The following RASSF8 variants were observed in gnomAD, a reference collection of about 807,000 sequenced individuals.
RASSF8 encodes Ras association domain family member 8.
A neutral mutation model predicts 48.5 loss-of-function variants in RASSF8; 22 were observed. That is an observed-to-expected ratio of 0.45 (90% CI 0.32 to 0.65). The LOEUF is 0.65. Among genes scored for constraint, RASSF8 ranks in the 30% least tolerant of loss-of-function variants. The pLI is 0.03. For missense variants in RASSF8, 418 were observed against 489.2 expected (o/e 0.85, Z 1.37); for synonymous variants, 127 against 171.5 (o/e 0.74, Z 2.03).
At chr12:26,050,421 G>C (rs1055509367) in intron 2 of RASSF8, among the ~76,000 whole-genome samples, 1 of 152,214 alleles carries the variant, frequency 6.6e-6, no homozygotes, top group East Asian at 1.9e-4. Context: ...GCCGAGCCCT[G>C]TACTAGATAA....
At chr12:25,991,150 A>G (rs1453668655) in intron 1 of RASSF8, among the ~76,000 whole-genome samples, 2 of 152,192 alleles carry the variant, frequency 1.3e-5, no homozygotes, top group African/African-American at 4.8e-5. Flanking sequence ...CTGTCATTAA[A>G]AGAAATATAC....
intron 2 of RASSF8, among the ~76,000 whole-genome samples, chr12:26,047,050 C>T (rs935374452): frequency 6.6e-6 from 1 of 152,186 alleles, no homozygotes; most frequent in South Asian, 2.1e-4. Flanking sequence ...GTTCTGAGAG[C>T]TTTAACGGGA....
At chr12:25,982,670 T>C (rs1201329472) in intron 1 of RASSF8, among the ~76,000 whole-genome samples, 1 of 152,130 alleles carries the variant, frequency 6.6e-6, no homozygotes, top group East Asian at 1.9e-4. Context: ...TGGTCCCTTG[T>C]TGCACTGGAG....
intron 3 of RASSF8, among the ~76,000 whole-genome samples, chr12:26,061,630 C>T (rs10505990): frequency 0.053 from 8,126 of 152,130 alleles, 659 homozygotes; most frequent in East Asian, 0.29. Context: ...GAAGGTTTAA[C>T]TGAATGTATC....
At chr12:26,050,628 G>A (rs560595856) in intron 2 of RASSF8, among the ~76,000 whole-genome samples, 7 of 152,166 alleles carry the variant, frequency 4.6e-5, no homozygotes, top group Non-Finnish European at 1.0e-4. Flanking sequence ...TGAATTTAAA[G>A]AAAATGCAGA....
intron 2 of RASSF8, among the ~76,000 whole-genome samples, chr12:26,019,861 GAATT>G (rs138142498): frequency 1.5e-3 from 222 of 152,050 alleles, no homozygotes; most frequent in African/African-American, 5.2e-3. Flanking sequence ...TTATAAGGGG[GAATT>G]AATTTTTCTG....
intron 2 of RASSF8, among the ~76,000 whole-genome samples, chr12:26,008,474 T>G (rs568397542): frequency 1.6e-3 from 241 of 152,326 alleles, no homozygotes; most frequent in African/African-American, 5.7e-3. Flanking sequence ...ATACAGTGAT[T>G]AAAGATCACA....
chr12:25,973,204 AT>A (rs11344037), intron 1 of RASSF8, among the ~76,000 whole-genome samples: 44,717 of 144,966 alleles, frequency 0.31, 6,937 homozygotes, highest in African/African-American at 0.42. Flanking sequence ...AAAGATCGCT[AT>A]TTTTTTTTTT....
At chr12:25,984,934 T>C (rs1941836915) in intron 1 of RASSF8, among the ~76,000 whole-genome samples, 1 of 152,200 alleles carries the variant, frequency 6.6e-6, no homozygotes, top group Non-Finnish European at 1.5e-5. Context: ...AAAGTTGTTT[T>C]TAGTTTTGGG....
intron 1 of RASSF8, among the ~76,000 whole-genome samples, chr12:25,987,636 A>G (rs1341983567): frequency 1.3e-5 from 2 of 152,210 alleles, no homozygotes; most frequent in Non-Finnish European, 2.9e-5. Context: ...ATTAACATAC[A>G]TTATGCAACA....
chr12:26,005,444 C>T (rs904855254), intron 2 of RASSF8, among the ~76,000 whole-genome samples: 1 of 152,130 alleles, frequency 6.6e-6, no homozygotes, highest in Non-Finnish European at 1.5e-5. Context: ...TCAAGTCATT[C>T]TCTGTGACCT....
In RASSF8 at chr12:26,071,764, TAAAC is replaced by T; in HGVS notation, c.*2949_*2952del. The T allele has an allele frequency of 1.0e-6, 1 of 983,710 alleles. No individual in the cohort carries two copies. The highest frequency in any genetic ancestry group is 1.2e-6 in the Non-Finnish European group (1 of 828,536). The allele number at this position is 983,710 out of a possible 1,614,324, so 60.9% of individuals were successfully genotyped here. ...CAATTCCTATAGTTCAAATTAGTCA[TAAAC>T]AAGAGCTACAGCAAGACTGATAGAG... is the stretch of plus-strand genomic sequence containing the variant. On this transcript the variant is annotated 3_prime_UTR_variant, in exon 6 of 6. Coordinates refer to ENST00000689635, the MANE Select transcript of RASSF8 (RefSeq NM_001394098.1).
Position 25,972,646 on chromosome 12 carries a change from G to A in RASSF8, c.-203+13498G>A, listed in dbSNP as rs189709626. On this transcript the variant is annotated intron_variant, in intron 1 of 5. Coordinates refer to ENST00000689635, the MANE Select transcript of RASSF8 (RefSeq NM_001394098.1). ...GAATACAAGATTGTACACAGAAGGT[G>A]ATAAGAATTTTTGTATTTTTTAAAA... Among the ~76,000 whole-genome samples, 3 of 152,262 alleles carry A rather than the reference G, an allele frequency of 2.0e-5. No homozygotes were observed. The East Asian group carries it at 5.8e-4, about 29-fold the overall frequency.
At position 26,068,643 on chromosome 12, in the gene RASSF8, T is replaced by C. The variant is rs1485525737; in HGVS notation, c.1139-54T>C. The C allele has an allele frequency of 4.4e-6, 6 of 1,362,652 alleles. No individual in the cohort carries two copies. The African/African-American group carries it at 5.8e-5, about 13-fold the overall frequency. The allele number at this position is 1,362,652 out of a possible 1,614,324, so 84.4% of individuals were successfully genotyped here. The stretch of plus-strand genomic sequence containing the variant: ...GAAGCAGTCTGATTTTTTATATTGC[T>C]AAGTACTCCAAGTTGACGAGCTCAT... On this transcript the variant is annotated intron_variant, in intron 5 of 5. Transcript: ENST00000689635.
chr12:26,058,318 T>C (rs1283752740), intron 3 of RASSF8, among the ~76,000 whole-genome samples: 1 of 152,216 alleles, frequency 6.6e-6, no homozygotes, highest in Non-Finnish European at 1.5e-5. Flanking sequence ...GGTGAGAGTT[T>C]ATTAATTAGA....
chr12:25,961,794 C>T (rs1452885327), intron 1 of RASSF8, among the ~76,000 whole-genome samples: 2 of 152,162 alleles, frequency 1.3e-5, no homozygotes, highest in Non-Finnish European at 2.9e-5. Context: ...AACTGTTCCC[C>T]CTCCATTTTT....
intron 2 of RASSF8, among the ~76,000 whole-genome samples, chr12:26,002,304 G>A (rs1942278558): frequency 6.6e-6 from 1 of 151,828 alleles, no homozygotes; most frequent in African/African-American, 2.4e-5. Context: ...TTGGTAGCAG[G>A]TGCCTATAAT....
intron 2 of RASSF8, among the ~76,000 whole-genome samples, chr12:26,045,791 GTTAAATA>G (rs529631807): frequency 6.6e-6 from 1 of 152,040 alleles, no homozygotes; most frequent in Non-Finnish European, 1.5e-5. Context: ...ATTGCAAAAT[GTTAAATA>G]TTAAATATGT....
Position 25,970,529 on chromosome 12 carries a change from T to G in RASSF8, c.-203+11381T>G, listed in dbSNP as rs533357147. Among the ~76,000 whole-genome samples the G allele has an allele frequency of 2.0e-5, 3 of 152,290 alleles. No individual in the cohort carries two copies. In the East Asian group the frequency reaches 5.8e-4, roughly 29 times the overall value. On this transcript the variant is annotated intron_variant, in intron 1 of 5. Coordinates refer to ENST00000689635, the MANE Select transcript of RASSF8 (RefSeq NM_001394098.1). ...AATTTATCATCTCTCATTTAGATTG[T>G]TTCCTCTTAACTGGTCTCCCCGCCT...
Sources: gnomAD v4.1 joint callset for allele counts (sites outside exome capture counted in the v4.1 genomes callset) on GRCh38, gnomAD v4.1.1 for gene constraint, MANE v1.5 for transcripts, NCBI Gene and HGNC (gene_info 2026-07-23, HGNC 2026-07-21) for gene names.